Variants in RNF145 observed in about 807,000 individuals in gnomAD.
RNF145 encodes ring finger protein 145.
A neutral mutation model predicts 57.3 loss-of-function variants in RNF145; 12 were observed. The observed-to-expected ratio is 0.21, with a 90% CI of 0.13 to 0.34. The LOEUF (loss-of-function observed/expected upper bound fraction) is 0.34, where lower values mean the gene tolerates loss of function less well. Among genes scored for constraint, RNF145 ranks in the 10% least tolerant of loss-of-function variants. The pLI, the probability that RNF145 is intolerant of heterozygous loss-of-function variation, is 1.00. For missense variants in RNF145, 429 were observed against 799.0 expected (o/e 0.54, Z 5.58); for synonymous variants, 262 against 288.3 (o/e 0.91, Z 0.92).
chr5:159,163,414 G>T (rs1028108861), intron 8 of RNF145, among the ~76,000 whole-genome samples: 20 of 152,206 alleles, frequency 1.3e-4, no homozygotes, highest in Non-Finnish European at 2.1e-4. Context: ...TTAAGACAGG[G>T]AGGGAGTATT....
chr5:159,209,142 C>G (rs901910048), intron 1 of RNF145, 89 bp downstream of exon 1: 6 of 374,680 alleles, frequency 1.6e-5, no homozygotes, highest in African/African-American at 7.3e-5. Context: ...AGGAAGGAGC[C>G]TGCGACGCGA....
chr5:159,175,723 T>C (rs1299158633), intron 5 of RNF145, among the ~76,000 whole-genome samples: 1 of 152,134 alleles, frequency 6.6e-6, no homozygotes, highest in African/African-American at 2.4e-5. Flanking sequence ...AGAATCAGGC[T>C]AAGGCCAAAA....
At chr5:159,175,548 A>C (rs1784694399) in intron 5 of RNF145, among the ~76,000 whole-genome samples, 1 of 152,158 alleles carries the variant, frequency 6.6e-6, no homozygotes, top group Non-Finnish European at 1.5e-5. Context: ...TTCAAAGAAA[A>C]AATATGTATC....
chr5:159,174,271 C>A (rs979497731), intron 5 of RNF145, 113 bp from the exon 6 acceptor site: 1 of 690,806 alleles, frequency 1.4e-6, no homozygotes, highest in Non-Finnish European at 2.4e-6. Context: ...GATTGCAAGA[C>A]TGTTTCAGCT....
At chr5:159,209,828 C>A, upstream of RNF145, 1 of 1,535,004 alleles carries the variant, frequency 6.5e-7, no homozygotes, top group South Asian at 1.2e-5. Flanking sequence ...CACCACGGGC[C>A]GCAAGCGCTC....
chr5:159,161,682 T>C, intron 9 of RNF145, 60 bp from the exon 10 acceptor site: 1 of 965,652 alleles, frequency 1.0e-6, no homozygotes, highest in Non-Finnish European at 1.6e-6. Context: ...ACTTTTTTCA[T>C]AGGCTTTAAA....
chr5:159,165,354 G>C (rs1385175618), intron 8 of RNF145, among the ~76,000 whole-genome samples: 1 of 152,106 alleles, frequency 6.6e-6, no homozygotes, highest in Non-Finnish European at 1.5e-5. Context: ...GTATTTCTAA[G>C]TATTACAAAT....
At chr5:159,179,166 A>G (rs1784802485) in intron 4 of RNF145, among the ~76,000 whole-genome samples, 1 of 152,070 alleles carries the variant, frequency 6.6e-6, no homozygotes, top group African/African-American at 2.4e-5. Flanking sequence ...TGCTGGGGTT[A>G]CAGGCTCCCT....
intron 5 of RNF145, among the ~76,000 whole-genome samples, chr5:159,174,491 T>C (rs1784652308): frequency 6.6e-6 from 1 of 152,148 alleles, no homozygotes; most frequent in South Asian, 2.1e-4. Flanking sequence ...CACTCATGTC[T>C]AATCAAAATA....
chr5:159,174,573 C>T (rs527341700), intron 5 of RNF145, among the ~76,000 whole-genome samples: 1 of 152,030 alleles, frequency 6.6e-6, no homozygotes. Flanking sequence ...TAAAAACTTT[C>T]AGGGTTTATT....
chr5:159,189,748 T>C (rs930818375), intron 3 of RNF145, among the ~76,000 whole-genome samples: 3 of 152,076 alleles, frequency 2.0e-5, no homozygotes, highest in African/African-American at 7.2e-5. Context: ...ATCCATACAA[T>C]GGAATATGGA....
chr5:159,166,496 GT>G (rs1318754615), intron 8 of RNF145, among the ~76,000 whole-genome samples: 2 of 152,114 alleles, frequency 1.3e-5, no homozygotes, highest in African/African-American at 4.8e-5. Context: ...TTAACCTTCT[GT>G]TTTTGACATT....
intron 9 of RNF145, among the ~76,000 whole-genome samples, 154 bp from the exon 10 acceptor site, chr5:159,161,776 TA>T (rs977201772): frequency 2.0e-5 from 3 of 152,036 alleles, no homozygotes; most frequent in African/African-American, 7.2e-5. Flanking sequence ...TTTTAATAAA[TA>T]AAAAATCAAC....
chr5:159,201,901 T>C (rs1045451510), intron 2 of RNF145, among the ~76,000 whole-genome samples: 2 of 152,224 alleles, frequency 1.3e-5, no homozygotes, highest in African/African-American at 4.8e-5. Context: ...CATTATTTTA[T>C]TAAGGTGAAA....
At chr5:159,165,095 C>T (rs1176685304) in intron 8 of RNF145, among the ~76,000 whole-genome samples, 5 of 152,176 alleles carry the variant, frequency 3.3e-5, no homozygotes, top group Non-Finnish European at 7.3e-5. Context: ...CATCATTTGT[C>T]TGTGCATGTC....
chr5:159,163,331 T>C (rs1000334249), intron 8 of RNF145, among the ~76,000 whole-genome samples: 1 of 152,264 alleles, frequency 6.6e-6, no homozygotes, highest in African/African-American at 2.4e-5. Context: ...TTTCAATTGC[T>C]ACTCCTAGCA....
At chr5:159,187,369 C>T (rs1785107881) in intron 3 of RNF145, among the ~76,000 whole-genome samples, 1 of 151,630 alleles carries the variant, frequency 6.6e-6, no homozygotes, top group African/African-American at 2.4e-5. Flanking sequence ...ACACTGTTGC[C>T]TGGGCTGGAG....
At chr5:159,186,030 C>T (rs1359512247) in intron 3 of RNF145, among the ~76,000 whole-genome samples, 1 of 152,102 alleles carries the variant, frequency 6.6e-6, no homozygotes, top group African/African-American at 2.4e-5. Flanking sequence ...TCGAGAGCAG[C>T]CTGGACAACA....
intron 4 of RNF145, among the ~76,000 whole-genome samples, chr5:159,179,086 G>C (rs1784799558): frequency 6.6e-6 from 1 of 152,002 alleles, no homozygotes; most frequent in South Asian, 2.1e-4. Context: ...TGTCCTTGTT[G>C]AGCACAATGT....
Sources: allele counts gnomAD v4.1 joint callset (sites outside exome capture counted in the v4.1 genomes callset), GRCh38; gene constraint gnomAD v4.1.1; transcripts MANE v1.5; gene names NCBI Gene and HGNC (gene_info 2026-07-23, HGNC 2026-07-21).